The following GRM8 variants were observed in gnomAD, a reference collection of about 807,000 sequenced individuals.
The protein encoded by GRM8 is glutamate metabotropic receptor 8, also known as metabotropic glutamate receptor 8.
GRM8 carries 47 observed loss-of-function variants against 87.2 expected under a neutral mutation model. The observed-to-expected ratio is 0.54, with a 90% CI of 0.43 to 0.69. GRM8 has a LOEUF of 0.69. Ranked by LOEUF, GRM8 falls within the 30% of genes least tolerant of loss-of-function variation. The pLI, the probability that GRM8 is intolerant of heterozygous loss-of-function variation, is 0.00. For missense variants in GRM8, 1,019 were observed against 1,139.2 expected (o/e 0.89, Z 1.52); for synonymous variants, 396 against 404.5 (o/e 0.98, Z 0.25).
At chr7:126,599,615 C>A (rs1797543981) in intron 8 of GRM8, among the ~76,000 whole-genome samples, 1 of 152,070 alleles carries the variant, frequency 6.6e-6, no homozygotes, top group Non-Finnish European at 1.5e-5. Context: ...CTACTATGGT[C>A]TTTTTGACCC....
At position 127,052,114 on chromosome 7, in the gene GRM8, C is replaced by T. The variant is rs141295905; in HGVS notation, c.727+54382G>A. Among the ~76,000 whole-genome samples the T allele has an allele frequency of 8.9e-3, 1,347 of 152,138 alleles. 22 individuals carry two copies. The highest frequency in any genetic ancestry group is 0.03 in the African/African-American group (1,250 of 41,480). On this transcript the variant is annotated intron_variant, in intron 3 of 10. Coordinates refer to ENST00000339582, the MANE Select transcript of GRM8 (RefSeq NM_000845.3). ...AAAATTTTTGATAAGAAAAAAAAAT[C>T]AGTTGGAGTCTGCTATCAATTTATC... is the stretch of plus-strand genomic sequence containing the variant.
At chr7:126,851,222 C>T (rs1334134951) in intron 6 of GRM8, among the ~76,000 whole-genome samples, 1 of 152,134 alleles carries the variant, frequency 6.6e-6, no homozygotes, top group Non-Finnish European at 1.5e-5. Context: ...GATGGCTGCA[C>T]TTACGAAATG....
At chr7:126,840,552 A>T (rs1796182894) in intron 6 of GRM8, among the ~76,000 whole-genome samples, 1 of 152,198 alleles carries the variant, frequency 6.6e-6, no homozygotes, top group African/African-American at 2.4e-5. Flanking sequence ...AAAGATATGC[A>T]GACACTAATG....
chr7:127,124,875 A>C (rs1159163942), intron 2 of GRM8, among the ~76,000 whole-genome samples: 2 of 152,170 alleles, frequency 1.3e-5, no homozygotes, highest in African/African-American at 4.8e-5. Flanking sequence ...TCACCATATT[A>C]ACGGTATAAA....
chr7:126,927,407 GA>G (rs1222454943), intron 3 of GRM8, among the ~76,000 whole-genome samples: 2 of 152,026 alleles, frequency 1.3e-5, no homozygotes, highest in East Asian at 3.9e-4. Flanking sequence ...AAAGTGGTGG[GA>G]TTATAGGTGT....
intron 2 of GRM8, among the ~76,000 whole-genome samples, chr7:127,206,052 A>T (rs1007069254): frequency 6.6e-6 from 1 of 152,246 alleles, no homozygotes; most frequent in Non-Finnish European, 1.5e-5. Context: ...AGCTACCAGC[A>T]TCAAGGACAC....
intron 6 of GRM8, among the ~76,000 whole-genome samples, chr7:126,877,829 T>C (rs543391594): frequency 6.6e-6 from 1 of 152,238 alleles, no homozygotes; most frequent in Non-Finnish European, 1.5e-5. Context: ...TGATCAGAGA[T>C]ATAATCTTTG....
At chr7:126,730,670 G>A (rs1813487865) in intron 7 of GRM8, among the ~76,000 whole-genome samples, 1 of 152,098 alleles carries the variant, frequency 6.6e-6, no homozygotes, top group African/African-American at 2.4e-5. Flanking sequence ...AGAGAGAAGG[G>A]AACGTGAAAG....
At chr7:126,988,305 T>C (rs1294038580) in intron 3 of GRM8, among the ~76,000 whole-genome samples, 7 of 152,226 alleles carry the variant, frequency 4.6e-5, no homozygotes, top group Non-Finnish European at 1.5e-5. Context: ...AAAACTTTCA[T>C]GCACCACTTT....
chr7:126,561,260 C>T (rs1259670141), intron 8 of GRM8, among the ~76,000 whole-genome samples: 1 of 152,124 alleles, frequency 6.6e-6, no homozygotes, highest in Non-Finnish European at 1.5e-5. Context: ...ATCACGAGGT[C>T]AGGAGTTTGA....
At chr7:126,445,968 C>T (rs17663242) in intron 10 of GRM8, 158 bp downstream of exon 10, 18,256 of 825,898 alleles carry the variant, frequency 0.022, 363 homozygotes, top group Non-Finnish European at 0.023. Context: ...CCATTTGCTT[C>T]GAATGGTTTT....
intron 3 of GRM8, among the ~76,000 whole-genome samples, chr7:127,016,272 T>TA (rs1815658850): frequency 6.6e-6 from 1 of 152,062 alleles, no homozygotes; most frequent in South Asian, 2.1e-4. Context: ...CCACGGGAGT[T>TA]AGACTGTAGC....
chr7:126,922,235 C>T (rs1474876679), intron 3 of GRM8, among the ~76,000 whole-genome samples: 1 of 151,950 alleles, frequency 6.6e-6, no homozygotes, highest in African/African-American at 2.4e-5. Context: ...TTAACTGCAA[C>T]ATCAAATGCA....
rs148873008 is a variant in GRM8 at position 126,810,305 on chromosome 7, T to C, written c.1157-40240A>G. On this transcript the variant is annotated intron_variant, in intron 6 of 10. Coordinates refer to ENST00000339582, the MANE Select transcript of GRM8 (RefSeq NM_000845.3). ...AGAAGGCTCTTTAAGAGCCTCACCT[T>C]CTCTAAGTACCCTTAACTACAAAAA... 1.1e-3 allele frequency among the ~76,000 whole-genome samples: 171 copies of C among 152,236 alleles called. 1 individual carries two copies. The highest frequency in any genetic ancestry group is 4.0e-3 in the African/African-American group (166 of 41,552).
At chr7:126,826,335 C>T (rs189073107) in intron 6 of GRM8, among the ~76,000 whole-genome samples, 2 of 152,196 alleles carry the variant, frequency 1.3e-5, no homozygotes, top group Admixed American at 6.5e-5. Flanking sequence ...ACAGTCCCAA[C>T]AACAGTGTAA....
chr7:126,980,299 A>G (rs1170353995), intron 3 of GRM8, among the ~76,000 whole-genome samples: 1 of 152,178 alleles, frequency 6.6e-6, no homozygotes, highest in African/African-American at 2.4e-5. Flanking sequence ...TTAACGATAA[A>G]CAAGTCAACA....
At chr7:126,953,456 A>C (rs1586580378) in intron 3 of GRM8, among the ~76,000 whole-genome samples, 1 of 152,142 alleles carries the variant, frequency 6.6e-6, no homozygotes, top group Admixed American at 6.5e-5. Flanking sequence ...ACAGTGAAAT[A>C]CCGCCACTAC....
At chr7:127,110,329 C>T (rs2133115370) in intron 2 of GRM8, among the ~76,000 whole-genome samples, 1 of 152,268 alleles carries the variant, frequency 6.6e-6, no homozygotes, top group Middle Eastern at 3.4e-3. Flanking sequence ...CCAATCTCAG[C>T]CCTGCCCTAA....
At chr7:126,593,812 T>C (rs1177474773) in intron 8 of GRM8, among the ~76,000 whole-genome samples, 1 of 151,914 alleles carries the variant, frequency 6.6e-6, no homozygotes, top group Non-Finnish European at 1.5e-5. Flanking sequence ...TGAAGAGACA[T>C]CCTACAGAAT....
Sources: allele counts gnomAD v4.1 joint callset (sites outside exome capture counted in the v4.1 genomes callset), GRCh38; gene constraint gnomAD v4.1.1; transcripts MANE v1.5; gene names NCBI Gene and HGNC (gene_info 2026-07-23, HGNC 2026-07-21).